DHDDS: variants seen among roughly 807,000 people sequenced by gnomAD.
The protein encoded by DHDDS is dehydrodolichyl diphosphate synthase complex subunit DHDDS.
A neutral mutation model predicts 46.2 loss-of-function variants in DHDDS; 16 were observed. The ratio of observed to expected loss-of-function variants is 0.35; its 90% CI spans 0.23 to 0.53. The LOEUF is 0.53. Ranked by LOEUF, DHDDS falls within the 20% of genes least tolerant of loss-of-function variation. The pLI, the probability that DHDDS is intolerant of heterozygous loss-of-function variation, is 0.94. For synonymous variants in DHDDS, 151 were observed against 163.1 expected (o/e 0.93, Z 0.56); for missense variants, 340 against 423.7 (o/e 0.80, Z 1.73).
At chr1:26,464,339 T>C (rs1231623004) in intron 8 of DHDDS, among the ~76,000 whole-genome samples, 1 of 151,320 alleles carries the variant, frequency 6.6e-6, no homozygotes, top group Non-Finnish European at 1.5e-5. Context: ...TCAGGCATCC[T>C]TCCAGTATTG....
chr1:26,440,680 C>G (rs1462762588), intron 3 of DHDDS, among the ~76,000 whole-genome samples: 1 of 152,208 alleles, frequency 6.6e-6, no homozygotes, highest in Non-Finnish European at 1.5e-5. Flanking sequence ...GGGCCTGAGG[C>G]TATTCAAGTG....
intron 8 of DHDDS, among the ~76,000 whole-genome samples, chr1:26,462,023 A>G (rs1406220471): frequency 2.0e-5 from 3 of 152,038 alleles, no homozygotes; most frequent in African/African-American, 4.8e-5. Flanking sequence ...GGCACTTGCT[A>G]ATAATGATGA....
chr1:26,444,498 G>A (rs528472606), intron 4 of DHDDS, among the ~76,000 whole-genome samples: 4 of 152,264 alleles, frequency 2.6e-5, no homozygotes, highest in African/African-American at 9.6e-5. Context: ...CAGCACTTTG[G>A]GAAGCCAAGG....
intron 2 of DHDDS, among the ~76,000 whole-genome samples, chr1:26,434,210 T>A (rs964739323): frequency 2.0e-5 from 3 of 152,222 alleles, no homozygotes; most frequent in Non-Finnish European, 4.4e-5. Context: ...CCCCAAATCT[T>A]CCCTCAGCTT....
chr1:26,438,390 C>A, intron 3 of DHDDS, 106 bp downstream of exon 3: 1 of 1,029,344 alleles, frequency 9.7e-7, no homozygotes, highest in African/African-American at 1.6e-5. Context: ...TTTTTTGTAT[C>A]TGTCTCTGTG....
rs193301558 is a variant in DHDDS, at chr1:26,449,628, G to A, written c.542+1968G>A. ...GGCTGGAATGCAATGGTACAATCTC[G>A]GCTCACTGCAACCTCCGCCTCCTGG... is the stretch of plus-strand genomic sequence containing the variant. On this transcript the variant is annotated intron_variant, in intron 6 of 8. Transcript: ENST00000236342. Among the ~76,000 whole-genome samples, 166 of 152,058 alleles carry A rather than the reference G, an allele frequency of 1.1e-3. 1 individual carries two copies. The highest frequency in any genetic ancestry group is 1.9e-3 in the Non-Finnish European group (129 of 67,994).
At chr1:26,436,399 T>TG in intron 2 of DHDDS, among the ~76,000 whole-genome samples, 1 of 101,328 alleles carries the variant, frequency 9.9e-6, no homozygotes, top group African/African-American at 3.2e-5. Flanking sequence ...AGTAAGACTC[T>TG]GTTTTGTTTG....
chr1:26,469,375 T>C lies in DHDDS; in HGVS notation c.*244T>C, dbSNP rs2075529470. The C allele has an allele frequency of 3.0e-6, 2 of 655,846 alleles. No homozygotes were observed. The highest frequency in any genetic ancestry group is 1.9e-5 in the South Asian group (1 of 53,762). 40.6% of individuals were successfully genotyped at this position (655,846 alleles called of 1,614,324 possible). A position where few individuals can be genotyped will look rare whatever the true frequency, so the allele number is the denominator to read the frequency against. ...CACTAAACCTAGGTCTGGTCACCAA[T>C]AGGGTTTGGAGAGCAAAGGGCCACA... On this transcript the variant is annotated 3_prime_UTR_variant, in exon 9 of 9. Transcript: ENST00000236342.
In DHDDS at chr1:26,470,117, T is replaced by A. The variant is rs1057515472; in HGVS notation, c.*986T>A. ...TTGGCATGGCAAAGCTTGTTCTAGGTCCTCTGCTTGTGAGGGTCAAAGCTG... is the reference window on the plus strand; with the variant it reads ...TTGGCATGGCAAAGCTTGTTCTAGGACCTCTGCTTGTGAGGGTCAAAGCTG... On this transcript the variant is annotated 3_prime_UTR_variant, in exon 9 of 9. Transcript: ENST00000236342. 6.6e-6 allele frequency: 1 copy of A among 152,152 alleles called. No homozygotes were observed. The highest frequency in any genetic ancestry group is 1.5e-5 in the Non-Finnish European group (1 of 68,046). 9.4% of individuals were successfully genotyped at this position (152,152 alleles called of 1,614,324 possible). A position where few individuals can be genotyped will look rare whatever the true frequency, so the allele number is the denominator to read the frequency against.
At chr1:26,468,017 C>G (rs952001130) in intron 8 of DHDDS, among the ~76,000 whole-genome samples, 1 of 152,222 alleles carries the variant, frequency 6.6e-6, no homozygotes, top group Non-Finnish European at 1.5e-5. Context: ...AGCCCAGTCT[C>G]TGCCCTCTAG....
chr1:26,454,590 GTTT>G, intron 6 of DHDDS: 1 of 654,078 alleles, frequency 1.5e-6, no homozygotes, highest in Admixed American at 2.7e-5. Flanking sequence ...AATGGGCCCT[GTTT>G]TTTTTTTTCC....
At chr1:26,455,365 G>A (rs1325433538) in intron 6 of DHDDS, among the ~76,000 whole-genome samples, 5 of 152,066 alleles carry the variant, frequency 3.3e-5, no homozygotes, top group Non-Finnish European at 7.4e-5. Context: ...CCTTCTTATT[G>A]CTCAATTATA....
In DHDDS at chr1:26,447,600, A is replaced by C; in HGVS notation, c.482A>C (p.Glu161Ala). The C allele has an allele frequency of 6.2e-7, 1 of 1,614,200 alleles. No individual in the cohort carries two copies. The highest frequency in any genetic ancestry group is 8.5e-7 in the Non-Finnish European group (1 of 1,180,038). The stretch of plus-strand genomic sequence containing the variant: ...TGTTTTGCATACACATCCCGTCATG[A>C]GATCAGCAATGCTGTGAGAGAGATG... Reference protein sequence around the residue: ...NVCFAYTSRHEISNAVREMAW... With the variant: ...NVCFAYTSRHAISNAVREMAW... Residue 161 changes from glutamate (E) to alanine (A), a missense_variant, in exon 6 of 9, where the codon GAG becomes GCG. This residue lies in a region of DHDDS where 268 missense variants were observed against 300.3 expected (regional missense o/e 0.89). Transcript: ENST00000236342.
rs201786378 is a variant in DHDDS, at chr1:26,438,156, C to T, written c.64-12C>T. The T allele has an allele frequency of 4.3e-6, 7 of 1,613,104 alleles. No individual in the cohort carries two copies. In the East Asian group the frequency reaches 1.3e-4, roughly 31 times the overall value. Reference sequence around the variant, plus strand: ...ATGAGACCTGTTCATCATTTGTCTTCCTATTCCACAGGCAGGCCCAATGCC... The same window carrying T: ...ATGAGACCTGTTCATCATTTGTCTTTCTATTCCACAGGCAGGCCCAATGCC... On this transcript the variant is annotated splice_polypyrimidine_tract_variant and intron_variant, in intron 2 of 8. Transcript: ENST00000236342.
chr1:26,449,896 CA>C (rs1435627361), intron 6 of DHDDS, among the ~76,000 whole-genome samples: 19 of 152,296 alleles, frequency 1.2e-4, no homozygotes, highest in African/African-American at 4.1e-4. Context: ...TGGTGCCCTT[CA>C]CCATGCTAGG....
intron 6 of DHDDS, chr1:26,454,583 G>A (rs1355414050): frequency 5.1e-6 from 4 of 777,332 alleles, no homozygotes; most frequent in Middle Eastern, 3.8e-4. Flanking sequence ...TAGGACAAAT[G>A]GGCCCTGTTT....
rs1367820114 is a variant in DHDDS at position 26,470,658 on chromosome 1, G to A, written c.*1527G>A. On this transcript the variant is annotated 3_prime_UTR_variant, in exon 9 of 9. Transcript: ENST00000236342. ...ATCAAGCATAAATGCCAGACACGGCGATTGAGAAGCCAATCAGTGAACCCT... is the reference window on the plus strand; with the variant it reads ...ATCAAGCATAAATGCCAGACACGGCAATTGAGAAGCCAATCAGTGAACCCT... 6.6e-6 allele frequency: 1 copy of A among 152,618 alleles called. No individual in the cohort carries two copies. The highest frequency in any genetic ancestry group is 2.4e-5 in the African/African-American group (1 of 41,426). The allele number at this position is 152,618 out of a possible 1,614,324, so 9.5% of individuals were successfully genotyped here. A position where few individuals can be genotyped will look rare whatever the true frequency, so the allele number is the denominator to read the frequency against.
chr1:26,438,064 G>A (rs1174288530), intron 2 of DHDDS, 104 bp from the exon 3 acceptor site: 1 of 1,189,362 alleles, frequency 8.4e-7, no homozygotes, highest in Non-Finnish European at 1.3e-6. Flanking sequence ...CCCTTCGTCA[G>A]GGTTTTCATC....
chr1:26,457,983 A>G (rs2075387474), intron 7 of DHDDS, 78 bp downstream of exon 7: 1 of 1,281,324 alleles, frequency 7.8e-7, no homozygotes, highest in African/African-American at 1.5e-5. Context: ...AGAGTGGTCC[A>G]TCCCCACTCC....
Sources: allele counts gnomAD v4.1 joint callset (sites outside exome capture counted in the v4.1 genomes callset), GRCh38; gene constraint gnomAD v4.1.1; regional missense constraint gnomAD v4.1.1; transcripts MANE v1.5; gene names NCBI Gene and HGNC (gene_info 2026-07-23, HGNC 2026-07-21).